Variants in PTPRT observed in about 807,000 individuals in gnomAD.
PTPRT encodes the protein protein tyrosine phosphatase receptor type T, also known as receptor-type tyrosine-protein phosphatase T.
A neutral mutation model predicts 176.8 loss-of-function variants in PTPRT; 56 were observed. The observed-to-expected ratio is 0.32, with a 90% CI of 0.26 to 0.40. The LOEUF is 0.40. PTPRT is among the 10% of genes least tolerant of loss of function. The probability of loss-of-function intolerance (pLI) is 1.00; values close to 1 mark genes in which losing one functional copy is unlikely to be tolerated. For synonymous variants in PTPRT, 783 were observed against 739.0 expected (o/e 1.06, Z -0.96); for missense variants, 1,540 against 1,908.2 (o/e 0.81, Z 3.60).
chr20:42,564,155 T>C lies in PTPRT; in HGVS notation c.1154-91593A>G, dbSNP rs2073000562. Among the ~76,000 whole-genome samples the C allele has an allele frequency of 3.3e-5, 5 of 152,222 alleles. No individual in the cohort carries two copies. The South Asian group carries it at 1.0e-3, about 31-fold the overall frequency. On this transcript the variant is annotated intron_variant, in intron 7 of 30. Coordinates refer to ENST00000373187, the MANE Select transcript of PTPRT (RefSeq NM_007050.6). ...CTAACTGCAAAGGGGCTGAGAGGTG[T>C]AGCCTTGCTGTATACCCAGCAACCG...
At chr20:42,691,027 G>A (rs1042469152) in intron 6 of PTPRT, among the ~76,000 whole-genome samples, 38 of 150,846 alleles carry the variant, frequency 2.5e-4, no homozygotes, top group African/African-American at 7.8e-4. Context: ...TCAGCCCAGC[G>A]CCTCTAGCCT....
At chr20:42,123,235 G>A (rs1425078058) in intron 19 of PTPRT, among the ~76,000 whole-genome samples, 3 of 152,198 alleles carry the variant, frequency 2.0e-5, no homozygotes, top group Non-Finnish European at 2.9e-5. Flanking sequence ...AATTCAGTGA[G>A]ATAACATTTT....
intron 9 of PTPRT, among the ~76,000 whole-genome samples, chr20:42,434,655 T>A (rs1174716515): frequency 1.1e-5 from 1 of 88,284 alleles, no homozygotes; most frequent in Non-Finnish European, 2.2e-5. Context: ...CCATCCCATC[T>A]TCATAAGAAA....
intron 1 of PTPRT, among the ~76,000 whole-genome samples, chr20:42,988,401 C>G (rs1983716121): frequency 6.6e-6 from 1 of 152,156 alleles, no homozygotes; most frequent in Non-Finnish European, 1.5e-5. Context: ...TTTAAGTGAA[C>G]AGCTGTGGAT....
chr20:42,583,999 AGT>A (rs1268697983), intron 7 of PTPRT, among the ~76,000 whole-genome samples: 5 of 152,182 alleles, frequency 3.3e-5, no homozygotes, highest in Non-Finnish European at 5.9e-5. Flanking sequence ...CAGGCACGCC[AGT>A]TAACTGATCT....
chr20:42,888,807 T>A (rs1469883772), intron 1 of PTPRT, among the ~76,000 whole-genome samples: 1 of 152,148 alleles, frequency 6.6e-6, no homozygotes, highest in Non-Finnish European at 1.5e-5. Context: ...ACAGATATGA[T>A]CCTTACCCTC....
At chr20:42,935,595 C>T (rs1379319810) in intron 1 of PTPRT, among the ~76,000 whole-genome samples, 1 of 152,104 alleles carries the variant, frequency 6.6e-6, no homozygotes, top group African/African-American at 2.4e-5. Flanking sequence ...TGATCAGAGC[C>T]TCTCTCCTAA....
intron 14 of PTPRT, among the ~76,000 whole-genome samples, chr20:42,248,063 C>G (rs2056484614): frequency 1.3e-5 from 2 of 152,152 alleles, no homozygotes; most frequent in South Asian, 4.1e-4. Context: ...TATGAGCAAA[C>G]TAGTAGCTGG....
At chr20:43,099,236 T>C (rs1389355876) in intron 1 of PTPRT, among the ~76,000 whole-genome samples, 1 of 152,202 alleles carries the variant, frequency 6.6e-6, no homozygotes, top group Non-Finnish European at 1.5e-5. Context: ...ATTTCCTATA[T>C]TATGTGGAAT....
chr20:42,369,871 T>C (rs1038956983), intron 9 of PTPRT, among the ~76,000 whole-genome samples: 3 of 152,196 alleles, frequency 2.0e-5, no homozygotes, highest in African/African-American at 7.2e-5. Context: ...TTTTGAGGGA[T>C]GTTGTGTTTT....
At chr20:42,815,329 G>A (rs1420554966) in intron 2 of PTPRT, among the ~76,000 whole-genome samples, 2 of 152,148 alleles carry the variant, frequency 1.3e-5, no homozygotes, top group African/African-American at 2.4e-5. Context: ...GGGCTGAGCT[G>A]AAGGAGCTTA....
rs534189148 is a variant in PTPRT at position 42,194,498 on chromosome 20, A to G, written c.2491+4742T>C. On this transcript the variant is annotated intron_variant, in intron 16 of 30. Coordinates refer to ENST00000373187, the MANE Select transcript of PTPRT (RefSeq NM_007050.6). ...ACTACCAAGTCCCCATATCACAGGA[A>G]TTCAAAAGGAATTTATTTTGAAGCA... is the stretch of plus-strand genomic sequence containing the variant. Among the ~76,000 whole-genome samples, 53 of 152,340 alleles carry G rather than the reference A, an allele frequency of 3.5e-4. 1 individual carries two copies. Among genetic ancestry groups the G allele is most frequent in the African/African-American group, 1.2e-3 (50 of 41,576 alleles).
At chr20:42,216,086 T>C (rs1363119485) in intron 15 of PTPRT, among the ~76,000 whole-genome samples, 4 of 151,454 alleles carry the variant, frequency 2.6e-5, no homozygotes, top group African/African-American at 9.8e-5. Flanking sequence ...GCTATTTCCC[T>C]ACAGCTGAGT....
At chr20:42,750,434 G>A (rs1047388673) in intron 6 of PTPRT, among the ~76,000 whole-genome samples, 8 of 151,946 alleles carry the variant, frequency 5.3e-5, no homozygotes, top group Admixed American at 2.0e-4. Context: ...GGAAAATGAC[G>A]CCCAGAGTAA....
chr20:42,426,062 G>A (rs2059160775), intron 9 of PTPRT, among the ~76,000 whole-genome samples: 1 of 152,226 alleles, frequency 6.6e-6, no homozygotes, highest in Middle Eastern at 3.4e-3. Flanking sequence ...TTGTCTGTGT[G>A]TTTCATAGTG....
intron 7 of PTPRT, among the ~76,000 whole-genome samples, chr20:42,487,630 G>T (rs993332580): frequency 6.6e-6 from 1 of 152,158 alleles, no homozygotes; most frequent in East Asian, 1.9e-4. Flanking sequence ...CAGCTTCAAG[G>T]ATGGAGAAAG....
At chr20:42,723,310 C>T (rs1247121426) in intron 6 of PTPRT, among the ~76,000 whole-genome samples, 1 of 152,120 alleles carries the variant, frequency 6.6e-6, no homozygotes, top group South Asian at 2.1e-4. Context: ...ACACAGAAAA[C>T]GAGGGCTTGA....
At chr20:43,075,922 G>A (rs2146279529) in intron 1 of PTPRT, among the ~76,000 whole-genome samples, 1 of 152,266 alleles carries the variant, frequency 6.6e-6, no homozygotes, top group Admixed American at 6.5e-5. Flanking sequence ...GTTTCAAAGG[G>A]TCGAAACCTC....
At chr20:42,866,220 C>T (rs2078743570) in intron 2 of PTPRT, among the ~76,000 whole-genome samples, 1 of 152,218 alleles carries the variant, frequency 6.6e-6, no homozygotes, top group Non-Finnish European at 1.5e-5. Context: ...TTGCTAAGAA[C>T]CCAGTATTGT....
Sources: allele counts gnomAD v4.1 joint callset (sites outside exome capture counted in the v4.1 genomes callset), GRCh38; gene constraint gnomAD v4.1.1; transcripts MANE v1.5; gene names NCBI Gene and HGNC (gene_info 2026-07-23, HGNC 2026-07-21).